The following UBE2E2 variants were observed in gnomAD, a reference collection of about 807,000 sequenced individuals.
The protein encoded by UBE2E2 is ubiquitin-conjugating enzyme E2 E2.
A neutral mutation model predicts 24.7 loss-of-function variants in UBE2E2; 6 were observed. That is an observed-to-expected ratio of 0.24 (90% CI 0.13 to 0.48). UBE2E2 has a LOEUF of 0.48. UBE2E2 is among the 20% of genes least tolerant of loss of function. UBE2E2 has a pLI of 0.99. For missense variants in UBE2E2, 169 were observed against 245.0 expected, an observed-to-expected ratio of 0.69 and a Z score of 2.07; for synonymous variants, 104 against 83.6, an observed-to-expected ratio of 1.24 and a Z score of -1.33.
intron 3 of UBE2E2, among the ~76,000 whole-genome samples, chr3:23,247,072 C>G (rs866665097): frequency 3.3e-5 from 5 of 151,584 alleles, no homozygotes; most frequent in Admixed American, 6.6e-5. Context: ...CCACGTTGGT[C>G]TTGAAATCCT....
At chr3:23,555,676 G>A (rs1205536389) in intron 5 of UBE2E2, among the ~76,000 whole-genome samples, 3 of 152,094 alleles carry the variant, frequency 2.0e-5, no homozygotes, top group South Asian at 2.1e-4. Context: ...ATAAACACAC[G>A]CACATACACA....
chr3:23,299,737 G>C (rs953220025), intron 3 of UBE2E2, among the ~76,000 whole-genome samples: 8 of 152,180 alleles, frequency 5.3e-5, no homozygotes, highest in South Asian at 4.1e-4. Flanking sequence ...GTGTGGTGTG[G>C]TGCTGAAAAG....
intron 5 of UBE2E2, among the ~76,000 whole-genome samples, chr3:23,571,471 G>T (rs1401121899): frequency 6.6e-6 from 1 of 150,894 alleles, no homozygotes; most frequent in East Asian, 1.9e-4. Context: ...TGTATTTTTA[G>T]TAGGGACAGG....
chr3:23,530,044 G>T (rs1695086169), intron 4 of UBE2E2, among the ~76,000 whole-genome samples: 1 of 152,082 alleles, frequency 6.6e-6, no homozygotes, highest in Non-Finnish European at 1.5e-5. Flanking sequence ...TTTGATCCAA[G>T]AATTATTTGA....
chr3:23,525,798 T>G (rs7632814), intron 4 of UBE2E2, among the ~76,000 whole-genome samples: 44,282 of 152,104 alleles, frequency 0.29, 6,871 homozygotes, highest in African/African-American at 0.39. Context: ...CAAAATAATG[T>G]GATGGGCTTT....
intron 2 of UBE2E2, among the ~76,000 whole-genome samples, chr3:23,216,497 T>C (rs949067378): frequency 2.6e-5 from 4 of 152,126 alleles, no homozygotes; most frequent in Non-Finnish European, 4.4e-5. Flanking sequence ...GTTTTGAGAA[T>C]TTTTTGGTAT....
At chr3:23,527,544 C>G (rs1024474873) in intron 4 of UBE2E2, among the ~76,000 whole-genome samples, 1 of 152,088 alleles carries the variant, frequency 6.6e-6, no homozygotes. Context: ...GCTGGGGTCT[C>G]CTGGAAGGCC....
At chr3:23,568,483 T>A (rs1696132248) in intron 5 of UBE2E2, among the ~76,000 whole-genome samples, 1 of 151,736 alleles carries the variant, frequency 6.6e-6, no homozygotes, top group African/African-American at 2.4e-5. Context: ...ATCAGGATAA[T>A]CTTGTCTGTC....
At chr3:23,378,055 C>G (rs573539240) in intron 3 of UBE2E2, among the ~76,000 whole-genome samples, 38 of 151,978 alleles carry the variant, frequency 2.5e-4, no homozygotes, top group Non-Finnish European at 4.1e-4. Context: ...TTTTCTTAAT[C>G]TGCTATAATG....
chr3:23,293,578 T>G (rs1162995215), intron 3 of UBE2E2, among the ~76,000 whole-genome samples: 1 of 152,170 alleles, frequency 6.6e-6, no homozygotes, highest in Admixed American at 6.5e-5. Flanking sequence ...TAATGGGGAA[T>G]TCACTGAAGT....
At chr3:23,271,787 CCTTTAGCTAGACATAAAGGTTCT>C (rs953085075) in intron 3 of UBE2E2, among the ~76,000 whole-genome samples, 1 of 152,150 alleles carries the variant, frequency 6.6e-6, no homozygotes, top group Non-Finnish European at 1.5e-5. Context: ...TATTTACAAT[CCTTTAGCTAGACATAAAGGTTCT>C]CCAAGCCCCC....
intron 1 of UBE2E2, among the ~76,000 whole-genome samples, chr3:23,206,846 AT>A (rs373206767): frequency 2.6e-5 from 4 of 152,288 alleles, no homozygotes; most frequent in Non-Finnish European, 5.9e-5. Context: ...TAATTAAAAA[AT>A]TTTGCTTTAT....
chr3:23,298,532 T>C (rs528832229), intron 3 of UBE2E2, among the ~76,000 whole-genome samples: 6 of 151,628 alleles, frequency 4.0e-5, no homozygotes, highest in African/African-American at 1.5e-4. Context: ...CTTTTCTGCA[T>C]CTATTGAGAT....
chr3:23,348,251 T>C (rs979161265), intron 3 of UBE2E2, among the ~76,000 whole-genome samples: 1 of 151,604 alleles, frequency 6.6e-6, no homozygotes, highest in Non-Finnish European at 1.5e-5. Context: ...ATGCTCCTGC[T>C]GCATGGTTTT....
chr3:23,282,074 G>T (rs2125372184), intron 3 of UBE2E2, among the ~76,000 whole-genome samples: 1 of 152,302 alleles, frequency 6.6e-6, no homozygotes, highest in Non-Finnish European at 1.5e-5. Context: ...CCAGCAAGGG[G>T]CAAGGGCTGA....
At chr3:23,566,920 A>G (rs1696087939) in intron 5 of UBE2E2, among the ~76,000 whole-genome samples, 1 of 152,202 alleles carries the variant, frequency 6.6e-6, no homozygotes, top group Non-Finnish European at 1.5e-5. Flanking sequence ...ATATCTGGGA[A>G]TTAGAATCCT....
intron 4 of UBE2E2, among the ~76,000 whole-genome samples, chr3:23,503,470 G>A (rs1413107222): frequency 6.6e-6 from 1 of 151,856 alleles, no homozygotes; most frequent in Admixed American, 6.6e-5. Context: ...GATTACAACC[G>A]TGAGCCACCA....
At chr3:23,203,984 G>T (rs1696053328) in intron 1 of UBE2E2, among the ~76,000 whole-genome samples, 1 of 152,024 alleles carries the variant, frequency 6.6e-6, no homozygotes, top group Non-Finnish European at 1.5e-5. Flanking sequence ...GTATATTTGT[G>T]TGTGTCCTGG....
intron 3 of UBE2E2, among the ~76,000 whole-genome samples, chr3:23,424,567 A>G (rs1486435366): frequency 1.3e-5 from 2 of 151,922 alleles, no homozygotes; most frequent in East Asian, 1.9e-4. Context: ...AGAATCTTGT[A>G]CAAATTGTAG....
Sources: allele counts gnomAD v4.1 joint callset (sites outside exome capture counted in the v4.1 genomes callset), GRCh38; gene constraint gnomAD v4.1.1; transcripts MANE v1.5; gene names NCBI Gene and HGNC (gene_info 2026-07-23, HGNC 2026-07-21).